ZC4H2: variants seen among roughly 807,000 people sequenced by gnomAD.
ZC4H2 encodes zinc finger C4H2-type containing.
For missense variants in ZC4H2, 137 were observed against 173.9 expected (o/e 0.79, Z 1.19); for synonymous variants, 84 against 66.3 (o/e 1.27, Z -1.30).
chrX:64,943,334 T>C (rs1930378859), intron 1 of ZC4H2, among the ~76,000 whole-genome samples: 1 of 112,225 alleles, frequency 8.9e-6, no homozygotes, highest in African/African-American at 3.2e-5. Context: ...GTTCTGTAGA[T>C]GTCTATTAGG....
intron 1 of ZC4H2, among the ~76,000 whole-genome samples, chrX:64,944,704 T>G (rs757031909): frequency 9.0e-6 from 1 of 111,607 alleles, no homozygotes; most frequent in African/African-American, 3.3e-5. Context: ...CCCCATCACT[T>G]TTAGGTACAC....
At chrX:64,945,476 C>T (rs1431826571) in intron 1 of ZC4H2, among the ~76,000 whole-genome samples, 3 of 111,270 alleles carry the variant, frequency 2.7e-5, no homozygotes, top group East Asian at 5.7e-4. Flanking sequence ...GGGGCACCTG[C>T]CAGATGCCAC....
intron 1 of ZC4H2, among the ~76,000 whole-genome samples, chrX:65,015,940 A>G (rs896611675): frequency 7.2e-5 from 8 of 110,671 alleles, no homozygotes; most frequent in Non-Finnish European, 1.5e-4. Context: ...GAACACTTTT[A>G]TCCTCCCCAA....
intron 1 of ZC4H2, among the ~76,000 whole-genome samples, chrX:64,974,213 G>C (rs1211032439): frequency 9.0e-6 from 1 of 110,755 alleles, no homozygotes; most frequent in Admixed American, 9.5e-5. Context: ...AGTTTTTTGG[G>C]GTTTTTATGT....
chrX:64,948,434 C>G (rs898733480), intron 1 of ZC4H2, among the ~76,000 whole-genome samples: 1 of 111,359 alleles, frequency 9.0e-6, no homozygotes, highest in Admixed American at 9.6e-5. Flanking sequence ...TTTGTGCACA[C>G]TTAGGTAGGA....
At chrX:64,974,931 A>C (rs150002495) in intron 1 of ZC4H2, among the ~76,000 whole-genome samples, 1,993 of 97,656 alleles carry the variant, frequency 0.02, 68 homozygotes, top group African/African-American at 0.076. Context: ...ATTCTACTGT[A>C]CTAAGGTGTC....
intron 1 of ZC4H2, among the ~76,000 whole-genome samples, chrX:64,954,440 T>A (rs1484636682): frequency 2.2e-5 from 2 of 92,305 alleles, no homozygotes; most frequent in African/African-American, 9.2e-5. Context: ...ATTTCTAATA[T>A]GTTTGAGTGC....
intron 1 of ZC4H2, among the ~76,000 whole-genome samples, chrX:64,989,015 G>A (rs999203060): frequency 2.7e-5 from 3 of 112,035 alleles, no homozygotes; most frequent in Non-Finnish European, 5.6e-5. Flanking sequence ...GTTTGTCAAA[G>A]ATCAGATAGT....
chrX:64,946,315 T>A (rs958495305), intron 1 of ZC4H2, among the ~76,000 whole-genome samples: 3 of 111,170 alleles, frequency 2.7e-5, no homozygotes, highest in Non-Finnish European at 5.7e-5. Flanking sequence ...CTGGGGCAGA[T>A]AGCACAGCCT....
chrX:65,008,749 G>A (rs1241196199), intron 1 of ZC4H2, among the ~76,000 whole-genome samples: 1 of 111,758 alleles, frequency 8.9e-6, no homozygotes, highest in Non-Finnish European at 1.9e-5. Flanking sequence ...ACTAATATGT[G>A]GGAGGTAAAA....
At chrX:65,022,896 C>A (rs1932847834) in intron 1 of ZC4H2, among the ~76,000 whole-genome samples, 1 of 111,742 alleles carries the variant, frequency 8.9e-6, no homozygotes, top group East Asian at 2.8e-4. Context: ...GATTCAATGC[C>A]ATCCCCATCA....
chrX:64,923,978 T>C lies in ZC4H2; in HGVS notation c.54-1990A>G, dbSNP rs186362334. 2.7e-5 allele frequency among the ~76,000 whole-genome samples: 3 copies of C among 112,166 alleles called. No homozygotes were observed. The East Asian group carries it at 8.5e-4, about 32-fold the overall frequency. On this transcript the variant is annotated intron_variant, in intron 1 of 4. Coordinates refer to ENST00000374839, the MANE Select transcript of ZC4H2 (RefSeq NM_018684.4). ...TGCAGAGGGAAGATACTGATTTGTATTGGTTAATTACTTATTTGCTTATAT... is the reference window on the plus strand; with the variant it reads ...TGCAGAGGGAAGATACTGATTTGTACTGGTTAATTACTTATTTGCTTATAT...
chrX:64,923,632 T>C (rs1225983601), intron 1 of ZC4H2, among the ~76,000 whole-genome samples: 31 of 110,103 alleles, frequency 2.8e-4, no homozygotes, highest in Non-Finnish European at 1.5e-4. Context: ...GGTAGGATGG[T>C]GGGAGAAGTT....
Position 65,003,438 on chromosome X carries a change from G to A in ZC4H2, c.-272+31191C>T, listed in dbSNP as rs138226652. Among the ~76,000 whole-genome samples, 949 of 111,684 alleles carry A rather than the reference G, an allele frequency of 8.5e-3. 14 individuals carry two copies. The highest frequency in any genetic ancestry group is 0.029 in the African/African-American group (899 of 30,736). On this transcript the variant is annotated intron_variant, in intron 1 of 4. Coordinates refer to the ZC4H2 transcript ENST00000337990. Reference sequence around the variant, plus strand: ...ACAAGAGATAACTAAAGTCAGAGCAGAACTGAAAGAGATAGAGACACAAAA... The same window carrying A: ...ACAAGAGATAACTAAAGTCAGAGCAAAACTGAAAGAGATAGAGACACAAAA...
chrX:64,999,757 A>G (rs1932498077), intron 1 of ZC4H2, among the ~76,000 whole-genome samples: 1 of 111,518 alleles, frequency 9.0e-6, no homozygotes, highest in African/African-American at 3.3e-5. Context: ...TGGTAGGGGG[A>G]CGGGCATCCA....
chrX:65,017,933 T>A (rs1932808257), intron 1 of ZC4H2, among the ~76,000 whole-genome samples: 1 of 112,084 alleles, frequency 8.9e-6, no homozygotes, highest in Non-Finnish European at 1.9e-5. Flanking sequence ...GTGTAGTGTC[T>A]ATAACCCATT....
intron 1 of ZC4H2, among the ~76,000 whole-genome samples, chrX:64,963,430 G>A (rs765791159): frequency 4.6e-4 from 51 of 111,646 alleles, no homozygotes; most frequent in African/African-American, 1.5e-3. Context: ...AAATGACCAA[G>A]TAGGATCACA....
At chrX:64,954,384 T>TATATAATTATATATATA (rs1569215186) in intron 1 of ZC4H2, among the ~76,000 whole-genome samples, 1 of 71,456 alleles carries the variant, frequency 1.4e-5, no homozygotes, top group Non-Finnish European at 2.2e-5. Context: ...TTATATATAT[T>TATATAATTATATATATA]TATAATTATA....
chrX:64,932,262 T>G (rs1489147033), intron 1 of ZC4H2, among the ~76,000 whole-genome samples: 1 of 111,282 alleles, frequency 9.0e-6, no homozygotes, highest in Non-Finnish European at 1.9e-5. Context: ...ATGCATTAGG[T>G]GAGTCTCTTG....
Sources: allele counts gnomAD v4.1 joint callset (sites outside exome capture counted in the v4.1 genomes callset), GRCh38; gene constraint gnomAD v4.1.1; transcripts MANE v1.5; gene names NCBI Gene and HGNC (gene_info 2026-07-23, HGNC 2026-07-21).